The following CNTNAP2 variants were observed in gnomAD, a reference collection of about 807,000 sequenced individuals.
The protein encoded by CNTNAP2 is contactin associated protein 2, also known as contactin-associated protein-like 2.
A neutral mutation model predicts 155.2 loss-of-function variants in CNTNAP2; 98 were observed. The ratio of observed to expected loss-of-function variants is 0.63; its 90% CI spans 0.54 to 0.75. The LOEUF (loss-of-function observed/expected upper bound fraction) is 0.75. CNTNAP2 is among the 30% of genes least tolerant of loss of function. The pLI is 0.00. For missense variants in CNTNAP2, 1,727 were observed against 1,688.1 expected (o/e 1.02, Z -0.40); for synonymous variants, 651 against 631.2 (o/e 1.03, Z -0.47).
intron 9 of CNTNAP2, among the ~76,000 whole-genome samples, chr7:147,330,021 C>T (rs1048720380): frequency 2.0e-5 from 3 of 152,086 alleles, no homozygotes; most frequent in Non-Finnish European, 4.4e-5. Flanking sequence ...GCAGGAATGT[C>T]TTTTATTGGT....
intron 1 of CNTNAP2, among the ~76,000 whole-genome samples, chr7:146,206,644 T>C (rs1328267486): frequency 6.6e-6 from 1 of 151,982 alleles, no homozygotes; most frequent in Non-Finnish European, 1.5e-5. Context: ...TAAAGAGGTG[T>C]TTCTGGTCAA....
rs79507386 is a variant in CNTNAP2, at chr7:147,366,980, A to G, written c.1499-28629A>G. ...AATTGTCGGCCAAAGAATTATTTAT[A>G]TATCTTTAGATCTCAAAAGTTTAGG... is the stretch of plus-strand genomic sequence containing the variant. On this transcript the variant is annotated intron_variant, in intron 9 of 23. Transcript: ENST00000361727. 3.7e-3 allele frequency among the ~76,000 whole-genome samples: 561 copies of G among 152,268 alleles called. 6 individuals carry two copies. Among genetic ancestry groups the G allele is most frequent in the African/African-American group, 0.013 (531 of 41,554 alleles).
At chr7:147,382,213 A>G (rs1796548778) in intron 9 of CNTNAP2, among the ~76,000 whole-genome samples, 1 of 152,202 alleles carries the variant, frequency 6.6e-6, no homozygotes, top group Non-Finnish European at 1.5e-5. Context: ...TGTTTTATTA[A>G]ATAAATAAAA....
intron 8 of CNTNAP2, among the ~76,000 whole-genome samples, chr7:147,142,305 G>A (rs569513684): frequency 6.6e-6 from 1 of 152,200 alleles, no homozygotes; most frequent in Admixed American, 6.5e-5. Context: ...TTTTGTCAAA[G>A]GCCTTTTCTG....
intron 15 of CNTNAP2, among the ~76,000 whole-genome samples, chr7:148,039,085 C>T (rs967447173): frequency 3.9e-5 from 6 of 152,236 alleles, no homozygotes; most frequent in East Asian, 1.9e-4. Context: ...AGAAATCCTA[C>T]GCTAGGCTCT....
intron 1 of CNTNAP2, among the ~76,000 whole-genome samples, chr7:146,399,370 A>G (rs1056267611): frequency 3.3e-5 from 5 of 152,192 alleles, no homozygotes; most frequent in African/African-American, 1.2e-4. Flanking sequence ...TCTACTTTCT[A>G]ATTCTGTTAG....
chr7:147,776,271 T>A (rs1415977076), intron 13 of CNTNAP2, among the ~76,000 whole-genome samples: 1 of 151,696 alleles, frequency 6.6e-6, no homozygotes, highest in Non-Finnish European at 1.5e-5. Context: ...CTGGGTTTTT[T>A]TTTTTTTTTT....
intron 21 of CNTNAP2, among the ~76,000 whole-genome samples, chr7:148,349,669 G>A (rs958385006): frequency 1.1e-4 from 17 of 152,098 alleles, no homozygotes; most frequent in African/African-American, 4.1e-4. Flanking sequence ...CCAAAGTGCT[G>A]GGATTACAGG....
intron 17 of CNTNAP2, among the ~76,000 whole-genome samples, chr7:148,161,683 A>G (rs1562979120): frequency 6.6e-6 from 1 of 152,158 alleles, no homozygotes; most frequent in Non-Finnish European, 1.5e-5. Context: ...TCCTCCACTA[A>G]TAAGCATCTT....
chr7:146,851,485 A>G (rs1794876476), intron 3 of CNTNAP2, among the ~76,000 whole-genome samples: 1 of 152,076 alleles, frequency 6.6e-6, no homozygotes, highest in South Asian at 2.1e-4. Flanking sequence ...CTCAAACAAC[A>G]GAAATTTACT....
chr7:147,561,176 A>C (rs58796365), intron 11 of CNTNAP2, among the ~76,000 whole-genome samples: 26,457 of 151,990 alleles, frequency 0.17, 2,453 homozygotes, highest in East Asian at 0.36. Flanking sequence ...AATGTTTTGT[A>C]ATTTATTTTG....
intron 6 of CNTNAP2, 81 bp downstream of exon 6, chr7:147,121,244 ATAT>A (rs1466641884): frequency 1.5e-6 from 2 of 1,350,924 alleles, no homozygotes; most frequent in East Asian, 4.9e-5. Flanking sequence ...ATTGTTAATT[ATAT>A]TACTACTTAC....
At chr7:148,169,561 A>C (rs1414987329) in intron 17 of CNTNAP2, among the ~76,000 whole-genome samples, 2 of 152,252 alleles carry the variant, frequency 1.3e-5, no homozygotes, top group Non-Finnish European at 2.9e-5. Context: ...TAAAAACTTA[A>C]AAGTCCACTG....
intron 21 of CNTNAP2, among the ~76,000 whole-genome samples, chr7:148,330,726 AATGG>A (rs1169468554): frequency 3.8e-4 from 54 of 141,532 alleles, no homozygotes; most frequent in Non-Finnish European, 5.5e-4. Flanking sequence ...GGATGGAGGG[AATGG>A]ATGGATGGAT....
At chr7:146,577,838 A>T (rs1290764858) in intron 1 of CNTNAP2, among the ~76,000 whole-genome samples, 6 of 152,134 alleles carry the variant, frequency 3.9e-5, no homozygotes, top group Non-Finnish European at 5.9e-5. Context: ...TGAAAAAAAG[A>T]AAGTGAAAAA....
chr7:147,714,653 G>T (rs1796455736), intron 13 of CNTNAP2, among the ~76,000 whole-genome samples: 1 of 152,008 alleles, frequency 6.6e-6, no homozygotes, highest in African/African-American at 2.4e-5. Flanking sequence ...AAGCCATAGA[G>T]CTTATTAATA....
At position 147,085,377 on chromosome 7, in the gene CNTNAP2, G is replaced by A. The variant is rs1584829441; in HGVS notation, c.551-22770G>A. Among the ~76,000 whole-genome samples the A allele has an allele frequency of 4.6e-5, 7 of 152,238 alleles. 1 individual carries two copies. The highest frequency in any genetic ancestry group is 4.6e-4 in the Admixed American group (7 of 15,290). On this transcript the variant is annotated intron_variant, in intron 4 of 23. Coordinates refer to ENST00000361727, the MANE Select transcript of CNTNAP2 (RefSeq NM_014141.6). ...TGTTCCCACCTGAGCTCTGCCTCCTGTCAGATGAGTGCCCGCATTAGATTC... is the reference window on the plus strand; with the variant it reads ...TGTTCCCACCTGAGCTCTGCCTCCTATCAGATGAGTGCCCGCATTAGATTC...
intron 14 of CNTNAP2, among the ~76,000 whole-genome samples, chr7:147,959,802 G>A (rs1801085061): frequency 6.6e-6 from 1 of 152,088 alleles, no homozygotes; most frequent in South Asian, 2.1e-4. Context: ...TCCTGTTTTA[G>A]CTAGTCCTCA....
chr7:147,071,731 G>A (rs1349225027), intron 4 of CNTNAP2, among the ~76,000 whole-genome samples: 1 of 152,184 alleles, frequency 6.6e-6, no homozygotes, highest in Non-Finnish European at 1.5e-5. Context: ...GGCACAGAAT[G>A]AATCAACTAG....
Sources: allele counts gnomAD v4.1 joint callset (sites outside exome capture counted in the v4.1 genomes callset), GRCh38; gene constraint gnomAD v4.1.1; transcripts MANE v1.5; gene names NCBI Gene and HGNC (gene_info 2026-07-23, HGNC 2026-07-21).